PDE3A: variants seen among roughly 807,000 people sequenced by gnomAD.
PDE3A encodes the protein cGMP-inhibited 3',5'-cyclic phosphodiesterase 3A.
PDE3A carries 43 observed loss-of-function variants against 98.3 expected under a neutral mutation model. That is an observed-to-expected ratio of 0.44 (90% CI 0.34 to 0.56). The LOEUF (loss-of-function observed/expected upper bound fraction) is 0.56, where lower values mean the gene tolerates loss of function less well. Among genes scored for constraint, PDE3A ranks in the 20% least tolerant of loss-of-function variants. The pLI is 0.01. For missense variants in PDE3A, 1,427 were observed against 1,440.7 expected (o/e 0.99, Z 0.15); for synonymous variants, 663 against 567.9 (o/e 1.17, Z -2.38).
At chr12:20,381,914 A>G (rs1943670863) in intron 1 of PDE3A, among the ~76,000 whole-genome samples, 1 of 151,834 alleles carries the variant, frequency 6.6e-6, no homozygotes, top group African/African-American at 2.4e-5. Context: ...CTATAATGCC[A>G]TGTTAATCAA....
intron 2 of PDE3A, among the ~76,000 whole-genome samples, chr12:20,574,057 G>A (rs1164723966): frequency 6.6e-6 from 1 of 151,986 alleles, no homozygotes; most frequent in Non-Finnish European, 1.5e-5. Context: ...AACCTATATA[G>A]CTCTTTAAGC....
At position 20,613,703 on chromosome 12, in the gene PDE3A, AG is replaced by A. The variant is rs1310922589; in HGVS notation, c.1269+5del. The A allele has an allele frequency of 6.2e-7, 1 of 1,612,784 alleles. No homozygotes were observed. Among genetic ancestry groups the A allele is most frequent in the Non-Finnish European group, 8.5e-7 (1 of 1,178,732 alleles). On this transcript the variant is annotated splice_donor_region_variant and intron_variant, in intron 3 of 15. Coordinates refer to ENST00000359062, the MANE Select transcript of PDE3A (RefSeq NM_000921.5). ...AAGACAAGCTTGCTATTCCAAAGGT[AG>A]GTAGTAATGACATACCCCTTAAAGG...
At chr12:20,449,633 G>T (rs1171216436) in intron 1 of PDE3A, 2 of 404,046 alleles carry the variant, frequency 4.9e-6, no homozygotes, top group Non-Finnish European at 4.6e-6. Context: ...AATTGTGGCA[G>T]ATTTTAGTCT....
intron 8 of PDE3A, 91 bp downstream of exon 8, chr12:20,635,147 A>G: frequency 8.3e-7 from 1 of 1,211,456 alleles, no homozygotes; most frequent in East Asian, 2.4e-5. Context: ...GAGGCCAGGC[A>G]AGGTGGCTCA....
chr12:20,586,580 T>G (rs760939307), intron 2 of PDE3A, among the ~76,000 whole-genome samples: 4 of 152,242 alleles, frequency 2.6e-5, no homozygotes, highest in Admixed American at 6.5e-5. Context: ...TGTATGAAGA[T>G]GGCTCCGATC....
chr12:20,595,168 G>GT (rs1943435286), intron 2 of PDE3A, among the ~76,000 whole-genome samples: 2 of 152,076 alleles, frequency 1.3e-5, no homozygotes, highest in Non-Finnish European at 2.9e-5. Flanking sequence ...ACGCACCTAG[G>GT]TTTTTTATTC....
rs980173103 is a variant in PDE3A, at chr12:20,368,640, TGACA to T, written c.-642_-639del. ...TTCCATCCTTTGCCATGAATTGGAT[TGACA>T]GAGGCGGGGGAGGCTTTGCTTTCTG... On this transcript the variant is annotated 5_prime_UTR_variant, in exon 1 of 16. The change abolishes the stop of an existing upstream ORF in the 5' untranslated region. Coordinates refer to ENST00000359062, the MANE Select transcript of PDE3A (RefSeq NM_000921.5). Among the ~76,000 whole-genome samples, 1 of 151,972 alleles carries T rather than the reference TGACA, an allele frequency of 6.6e-6. No homozygotes were observed. The highest frequency in any genetic ancestry group is 2.4e-5 in the African/African-American group (1 of 41,410).
At chr12:20,462,951 T>C (rs564580420) in intron 1 of PDE3A, among the ~76,000 whole-genome samples, 1 of 152,120 alleles carries the variant, frequency 6.6e-6, no homozygotes, top group East Asian at 1.9e-4. Flanking sequence ...TTTAATTTTT[T>C]TGTAGAGATA....
At position 20,564,336 on chromosome 12, in the gene PDE3A, A is replaced by C. The variant is rs138930767; in HGVS notation, c.1011+7626A>C. On this transcript the variant is annotated intron_variant, in intron 2 of 15. Coordinates refer to ENST00000359062, the MANE Select transcript of PDE3A (RefSeq NM_000921.5). Reference sequence around the variant, plus strand: ...CATTGATAGGTGTATGGAAGATAGTAAATAAATATTTAGTGATTAATCTTG... The same window carrying C: ...CATTGATAGGTGTATGGAAGATAGTCAATAAATATTTAGTGATTAATCTTG... 5.1e-4 allele frequency among the ~76,000 whole-genome samples: 78 copies of C among 152,284 alleles called. 1 individual carries two copies. In the East Asian group the frequency reaches 0.013, roughly 26 times the overall value.
intron 1 of PDE3A, among the ~76,000 whole-genome samples, chr12:20,453,915 G>T: frequency 6.6e-6 from 1 of 152,138 alleles, no homozygotes; most frequent in East Asian, 1.9e-4. Flanking sequence ...CCTCCTTACA[G>T]TTTACTCATC....
At chr12:20,372,597 C>T (rs985089068) in intron 1 of PDE3A, among the ~76,000 whole-genome samples, 19 of 152,072 alleles carry the variant, frequency 1.2e-4, no homozygotes, top group African/African-American at 3.6e-4. Flanking sequence ...AATGGCTTAT[C>T]TGTTTTATCA....
intron 1 of PDE3A, among the ~76,000 whole-genome samples, chr12:20,424,436 G>T (rs1172552726): frequency 1.3e-5 from 2 of 152,032 alleles, no homozygotes; most frequent in Non-Finnish European, 2.9e-5. Context: ...TAGATGTAAG[G>T]GAGCATAAAT....
chr12:20,416,611 C>T (rs1214016786), intron 1 of PDE3A, among the ~76,000 whole-genome samples: 1 of 152,096 alleles, frequency 6.6e-6, no homozygotes, highest in East Asian at 1.9e-4. Context: ...AAACATAAAA[C>T]AACTTAATTC....
intron 1 of PDE3A, among the ~76,000 whole-genome samples, chr12:20,483,022 C>T (rs1398805779): frequency 6.6e-6 from 1 of 152,100 alleles, no homozygotes. Flanking sequence ...TATAGCACTG[C>T]TTTTCCTAGA....
chr12:20,422,810 T>A (rs1944542384), intron 1 of PDE3A, among the ~76,000 whole-genome samples: 1 of 152,246 alleles, frequency 6.6e-6, no homozygotes, highest in African/African-American at 2.4e-5. Flanking sequence ...TTAGTTCTAG[T>A]ATGTTTATCT....
At chr12:20,568,494 G>A (rs1415922347) in intron 2 of PDE3A, among the ~76,000 whole-genome samples, 1 of 151,782 alleles carries the variant, frequency 6.6e-6, no homozygotes, top group African/African-American at 2.4e-5. Flanking sequence ...ATATTTTTGG[G>A]AATGAACAGT....
intron 1 of PDE3A, among the ~76,000 whole-genome samples, chr12:20,504,610 G>C (rs1165894956): frequency 6.6e-6 from 1 of 152,070 alleles, no homozygotes; most frequent in Non-Finnish European, 1.5e-5. Flanking sequence ...CCTTTCTCAA[G>C]TATCTGAGAG....
chr12:20,494,160 T>C (rs1226353681), intron 1 of PDE3A, among the ~76,000 whole-genome samples: 1 of 152,240 alleles, frequency 6.6e-6, no homozygotes, highest in Middle Eastern at 3.2e-3. Context: ...CGCTCTCTGA[T>C]GAGAAGGAAT....
Position 20,633,879 on chromosome 12 carries a change from G to T in PDE3A, c.1846+101G>T, listed in dbSNP as rs78782960. The T allele has an allele frequency of 1.4e-5, 9 of 652,834 alleles. No homozygotes were observed. In the East Asian group the frequency reaches 1.5e-4, roughly 11 times the overall value. 40.4% of individuals were successfully genotyped at this position (652,834 alleles called of 1,614,324 possible). ...CTACATTTCTGATATTTTGTGGGGC[G>T]CTGGGAGACGGGGTCTCATGATGTT... On this transcript the variant is annotated intron_variant, in intron 7 of 15. Coordinates refer to ENST00000359062, the MANE Select transcript of PDE3A (RefSeq NM_000921.5).
Sources: allele counts gnomAD v4.1 joint callset (sites outside exome capture counted in the v4.1 genomes callset), GRCh38; gene constraint gnomAD v4.1.1; transcripts MANE v1.5; gene names NCBI Gene and HGNC (gene_info 2026-07-23, HGNC 2026-07-21).